MGAT5: variants seen among roughly 807,000 people sequenced by gnomAD.
MGAT5 encodes alpha-1,6-mannosylglycoprotein 6-beta-N-acetylglucosaminyltransferase A.
In MGAT5, 30 loss-of-function variants were observed where a neutral mutation model predicts 94.3. The ratio of observed to expected loss-of-function variants is 0.32; its 90% CI spans 0.24 to 0.43. The LOEUF (loss-of-function observed/expected upper bound fraction) is 0.43, where lower values mean the gene tolerates loss of function less well. Ranked by LOEUF, MGAT5 falls within the 20% of genes least tolerant of loss-of-function variation. The pLI is 1.00. For synonymous variants in MGAT5, 310 were observed against 322.9 expected (o/e 0.96, Z 0.43); for missense variants, 691 against 905.5 (o/e 0.76, Z 3.04).
At chr2:134,158,516 G>C (rs1687582812) in intron 1 of MGAT5, among the ~76,000 whole-genome samples, 1 of 152,210 alleles carries the variant, frequency 6.6e-6, no homozygotes, top group South Asian at 2.1e-4. Context: ...GAGTGTCTAG[G>C]CAGCGAGAGC....
intron 5 of MGAT5, among the ~76,000 whole-genome samples, chr2:134,337,769 C>A (rs1308704983): frequency 5.9e-5 from 9 of 152,102 alleles, no homozygotes; most frequent in Non-Finnish European, 1.0e-4. Context: ...TTTGTTTGGA[C>A]TGGGACAAAA....
Position 134,254,279 on chromosome 2 carries a change from A to T in MGAT5, c.-125A>T, listed in dbSNP as rs1317503766. The T allele has an allele frequency of 8.0e-7, 1 of 1,251,416 alleles. No individual in the cohort carries two copies. The highest frequency in any genetic ancestry group is 1.5e-5 in the African/African-American group (1 of 66,828). 77.5% of individuals were successfully genotyped at this position (1,251,416 alleles called of 1,614,324 possible). ...CTTCACAGCAGAATGGAAGTGAGGA[A>T]AGGCAACCAGCTGACACAGGAGCCA... On this transcript the variant is annotated 5_prime_UTR_variant, in exon 1 of 16. Coordinates refer to ENST00000281923, the MANE Select transcript of MGAT5 (RefSeq NM_002410.5).
At chr2:134,304,435 T>C (rs762033424) in intron 2 of MGAT5, among the ~76,000 whole-genome samples, 4 of 152,154 alleles carry the variant, frequency 2.6e-5, no homozygotes, top group African/African-American at 4.8e-5. Context: ...AAAAACCAAA[T>C]ATTCATCTGG....
At chr2:134,161,760 A>G (rs950512248) in intron 1 of MGAT5, among the ~76,000 whole-genome samples, 3 of 152,086 alleles carry the variant, frequency 2.0e-5, no homozygotes, top group Non-Finnish European at 4.4e-5. Flanking sequence ...TTTTGTTAGA[A>G]TAGTTTCATA....
chr2:134,144,004 A>C (rs1686788899), intron 1 of MGAT5, among the ~76,000 whole-genome samples: 1 of 152,074 alleles, frequency 6.6e-6, no homozygotes, highest in African/African-American at 2.4e-5. Context: ...AATGGAAAGA[A>C]GTGATTCTGG....
In MGAT5 at chr2:134,279,793, C is replaced by T. The variant is rs137972775; in HGVS notation, c.406+9243C>T. On this transcript the variant is annotated intron_variant, in intron 2 of 15. Transcript: ENST00000281923. ...TGTATACAGTTGTGATATCAGCTTA[C>T]ATATGGTATTGATTCAATAGACATT... Among the ~76,000 whole-genome samples, 444 of 152,310 alleles carry T rather than the reference C, an allele frequency of 2.9e-3. 2 individuals are homozygous for T. Among genetic ancestry groups the T allele is most frequent in the African/African-American group, 9.8e-3 (409 of 41,570 alleles).
At chr2:134,431,356 C>A (rs1266601683) in intron 14 of MGAT5, among the ~76,000 whole-genome samples, 1 of 152,070 alleles carries the variant, frequency 6.6e-6, no homozygotes, top group African/African-American at 2.4e-5. Flanking sequence ...TCCAAATGTT[C>A]CTAAATGAGC....
Position 134,270,892 on chromosome 2 carries a change from G to A in MGAT5, c.406+342G>A, listed in dbSNP as rs186080823. Among the ~76,000 whole-genome samples, 89 of 152,230 alleles carry A rather than the reference G, an allele frequency of 5.8e-4. 1 individual carries two copies. The highest frequency in any genetic ancestry group is 9.6e-4 in the Non-Finnish European group (65 of 68,010). On this transcript the variant is annotated intron_variant, in intron 2 of 15. Coordinates refer to ENST00000281923, the MANE Select transcript of MGAT5 (RefSeq NM_002410.5). ...TGCCTTTTAGAGTTCTTCCTCCTCC[G>A]TACTCCCATCAGACAATTTTGAAAG...
At chr2:134,395,814 T>C (rs1044942098) in intron 10 of MGAT5, among the ~76,000 whole-genome samples, 3 of 152,208 alleles carry the variant, frequency 2.0e-5, no homozygotes, top group African/African-American at 7.2e-5. Flanking sequence ...AGTAAAGTGT[T>C]TGTGGCTGTT....
chr2:134,205,405 C>T (rs1449579360), intron 1 of MGAT5, among the ~76,000 whole-genome samples: 2 of 151,678 alleles, frequency 1.3e-5, no homozygotes, highest in Non-Finnish European at 2.9e-5. Flanking sequence ...ATTTGGGGTA[C>T]ATTTTGGAGG....
At chr2:134,310,691 C>G (rs897799120) in intron 2 of MGAT5, among the ~76,000 whole-genome samples, 6 of 152,164 alleles carry the variant, frequency 3.9e-5, no homozygotes, top group African/African-American at 1.4e-4. Flanking sequence ...GACTTAGTTA[C>G]AGAAATCAAA....
Position 134,387,332 on chromosome 2 carries a change from A to ATAT in MGAT5, c.1381-15655_1381-15654insATT. ...TATATATATATATATATATATATAT[A>ATAT]TTTTTTTTTTTTTTTTTTTTTACCA... On this transcript the variant is annotated intron_variant, in intron 10 of 15. Transcript: ENST00000281923. Among the ~76,000 whole-genome samples, 51 of 24,266 alleles carry ATAT rather than the reference A, an allele frequency of 2.1e-3. 3 individuals are homozygous for ATAT. The highest frequency in any genetic ancestry group is 0.017 in the South Asian group (5 of 294). 15.9% of individuals were successfully genotyped at this position (24,266 alleles called of 152,430 possible). A position where few individuals can be genotyped will look rare whatever the true frequency, so the allele number is the denominator to read the frequency against.
chr2:134,239,070 C>T (rs1473703740), intron 1 of MGAT5, among the ~76,000 whole-genome samples: 2 of 152,160 alleles, frequency 1.3e-5, no homozygotes, highest in Admixed American at 1.3e-4. Flanking sequence ...GCCATCTCAC[C>T]TCACTGCAAC....
intron 4 of MGAT5, among the ~76,000 whole-genome samples, chr2:134,321,792 A>G (rs574406942): frequency 9.2e-5 from 14 of 152,202 alleles, no homozygotes; most frequent in South Asian, 2.1e-4. Flanking sequence ...TCTTGACACC[A>G]CGTTATGTGT....
intron 1 of MGAT5, among the ~76,000 whole-genome samples, chr2:134,220,006 G>A (rs6750475): frequency 0.012 from 1,761 of 152,220 alleles, 32 homozygotes; most frequent in African/African-American, 0.041. Flanking sequence ...ACTAATATTA[G>A]CATTATTAAG....
chr2:134,451,879 A>G lies in MGAT5; in HGVS notation c.*3032A>G, dbSNP rs1180366576. 1 of 152,256 alleles carries G rather than the reference A, an allele frequency of 6.6e-6. No homozygotes were observed. Among genetic ancestry groups the G allele is most frequent in the African/African-American group, 2.4e-5 (1 of 41,462 alleles). The allele number at this position is 152,256 out of a possible 1,614,324, so 9.4% of individuals were successfully genotyped here. On this transcript the variant is annotated 3_prime_UTR_variant, in exon 16 of 16. Coordinates refer to ENST00000281923, the MANE Select transcript of MGAT5 (RefSeq NM_002410.5). ...TGTATGCAGTTTGATTTGCACATGTATAAATGGAGATGCTTTTCATTTTTG... is the reference window on the plus strand; with the variant it reads ...TGTATGCAGTTTGATTTGCACATGTGTAAATGGAGATGCTTTTCATTTTTG...
chr2:134,145,103 G>A (rs1331241245), intron 1 of MGAT5, among the ~76,000 whole-genome samples: 2 of 152,070 alleles, frequency 1.3e-5, no homozygotes, highest in Non-Finnish European at 2.9e-5. Flanking sequence ...GGAAAATTGG[G>A]CTGTTTGCTC....
chr2:134,145,437 T>C (rs1286418267), intron 1 of MGAT5, among the ~76,000 whole-genome samples: 1 of 152,150 alleles, frequency 6.6e-6, no homozygotes, highest in Non-Finnish European at 1.5e-5. Context: ...TCCTACCTAC[T>C]TGGGAGGCCG....
chr2:134,230,545 G>A (rs1681306549), intron 1 of MGAT5, among the ~76,000 whole-genome samples: 1 of 152,188 alleles, frequency 6.6e-6, no homozygotes, highest in Non-Finnish European at 1.5e-5. Context: ...TGATGGCTAT[G>A]CAATTACCCT....
Sources: gnomAD v4.1 joint callset for allele counts (sites outside exome capture counted in the v4.1 genomes callset) on GRCh38, gnomAD v4.1.1 for gene constraint, MANE v1.5 for transcripts, NCBI Gene and HGNC (gene_info 2026-07-23, HGNC 2026-07-21) for gene names.